EGLN2: variants seen among roughly 807,000 people sequenced by gnomAD.
EGLN2 encodes the protein egl-9 family hypoxia inducible factor 2, also known as prolyl hydroxylase EGLN2.
A neutral mutation model predicts 38.2 loss-of-function variants in EGLN2; 15 were observed. The observed-to-expected ratio is 0.39, with a 90% CI of 0.26 to 0.60. The LOEUF (loss-of-function observed/expected upper bound fraction) is 0.60. Among genes scored for constraint, EGLN2 ranks in the 20% least tolerant of loss-of-function variants. The pLI, the probability that EGLN2 is intolerant of heterozygous loss-of-function variation, is 0.50. For missense variants in EGLN2, 492 were observed against 570.4 expected, an observed-to-expected ratio of 0.86 and a Z score of 1.40; for synonymous variants, 284 against 237.4, an observed-to-expected ratio of 1.20 and a Z score of -1.81.
chr19:40,808,258 C>A lies in EGLN2; in HGVS notation c.*394C>A. On this transcript the variant is annotated 3_prime_UTR_variant, in exon 6 of 6. Transcript: ENST00000303961. ...TGGCAATGGGGTGGGAGGAGTACCC[C>A]CAAGTCCTCTCACTCCTCCAGCCTG... 2 of 423,754 alleles carry A rather than the reference C, an allele frequency of 4.7e-6. No homozygotes were observed. The allele number at this position is 423,754 out of a possible 1,614,324, so 26.2% of individuals were successfully genotyped here.
At position 40,800,719 on chromosome 19, in the gene EGLN2, C is replaced by G; in HGVS notation, c.147C>G (p.His49Gln). The change falls in exon 2 of 6, where the codon CAC becomes CAG. Residue 49 changes from histidine (H) to glutamine (Q), a missense_variant. This residue lies in a region of EGLN2 where 378 missense variants were observed against 386.2 expected (regional missense o/e 0.98). Coordinates refer to ENST00000303961, the MANE Select transcript of EGLN2 (RefSeq NM_080732.4). ...CCTGTCCCCTGCTCCCCTCCTACCA[C>G]TGTCCAGGAGTGCCTAGTGAGGCCT... Reference protein sequence around the residue: ...YLPCPLLPSYHCPGVPSEASA... With the variant: ...YLPCPLLPSYQCPGVPSEASA... The G allele has an allele frequency of 6.2e-7, 1 of 1,614,084 alleles. No individual in the cohort carries two copies. Among genetic ancestry groups the G allele is most frequent in the Non-Finnish European group, 8.5e-7 (1 of 1,180,008 alleles).
chr19:40,806,755 T>A (rs2083304593), intron 3 of EGLN2, 81 bp downstream of exon 3: 12 of 1,556,430 alleles, frequency 7.7e-6, no homozygotes, highest in Non-Finnish European at 1.1e-5. Flanking sequence ...CATTTTCCAC[T>A]CTCAGCCCAG....
chr19:40,807,306 G>C lies in EGLN2; in HGVS notation c.1100+32G>C, dbSNP rs1385061886. The C allele has an allele frequency of 6.8e-6, 11 of 1,613,490 alleles. No homozygotes were observed. In the Admixed American group the frequency reaches 1.3e-4, roughly 20 times the overall value. On this transcript the variant is annotated intron_variant, in intron 4 of 5. Transcript: ENST00000303961. ...CCTGTACTTCTGGAGACGCACCCAGGTGCTCCCCCTGTGACAATGTCCTGT... is the reference window on the plus strand; with the variant it reads ...CCTGTACTTCTGGAGACGCACCCAGCTGCTCCCCCTGTGACAATGTCCTGT...
At chr19:40,799,354 CCGGGGCCT>C (rs2083232805) in intron 1 of EGLN2, 92 bp downstream of exon 1, 2 of 146,986 alleles carry the variant, frequency 1.4e-5, no homozygotes, top group African/African-American at 5.0e-5. Flanking sequence ...GGGGCGCGCG[CCGGGGCCT>C]GCCGGGGCGA....
At chr19:40,802,042 G>A (rs1325623644) in intron 2 of EGLN2, among the ~76,000 whole-genome samples, 1 of 152,136 alleles carries the variant, frequency 6.6e-6, no homozygotes, top group East Asian at 1.9e-4. Flanking sequence ...TAGGCACACA[G>A]TTCACCTGGC....
chr19:40,802,837 G>C (rs1599760174), intron 2 of EGLN2, among the ~76,000 whole-genome samples: 1 of 152,236 alleles, frequency 6.6e-6, no homozygotes. Flanking sequence ...GGGCAGTGTT[G>C]TGCCCTGCAG....
chr19:40,800,839 G>A lies in EGLN2; in HGVS notation c.267G>A (p.Arg89=). 6.2e-7 allele frequency: 1 copy of A among 1,612,868 alleles called. No individual in the cohort carries two copies. The highest frequency in any genetic ancestry group is 1.1e-5 in the South Asian group (1 of 91,022). Residue 89 remains arginine (R), a synonymous_variant, in exon 2 of 6, where the codon CGG becomes CGA. Transcript: ENST00000303961. ...GFGGQDGGEL[R]PLQSEGAAAL... ...GCGGGCAGGATGGTGGTGAGCTGCG[G>A]CCGCTGCAGAGTGAAGGCGCTGCAG...
Position 40,807,789 on chromosome 19 carries a change from C to T in EGLN2, c.1169-20C>T, listed in dbSNP as rs772947190. 26 of 1,613,702 alleles carry T rather than the reference C, an allele frequency of 1.6e-5. No individual in the cohort carries two copies. Among genetic ancestry groups the T allele is most frequent in the Non-Finnish European group, 2.2e-5 (26 of 1,179,816 alleles). Reference sequence around the variant, plus strand: ...TGTCCTTCTGATGACTCACTGTCTCCTGTCCCCTCTCACCCCCAGCATCAG... The same window carrying T: ...TGTCCTTCTGATGACTCACTGTCTCTTGTCCCCTCTCACCCCCAGCATCAG... On this transcript the variant is annotated intron_variant, in intron 5 of 5. Transcript: ENST00000303961.
At chr19:40,802,231 G>A (rs1248327191) in intron 2 of EGLN2, among the ~76,000 whole-genome samples, 1 of 152,162 alleles carries the variant, frequency 6.6e-6, no homozygotes, top group Admixed American at 6.5e-5. Flanking sequence ...GGTGCTGCCC[G>A]CTGGGCCGAG....
chr19:40,803,730 G>A (rs1306972640), intron 2 of EGLN2, among the ~76,000 whole-genome samples: 1 of 152,164 alleles, frequency 6.6e-6, no homozygotes, highest in Non-Finnish European at 1.5e-5. Flanking sequence ...GGCAGCAAGG[G>A]CTACCAGAGG....
In EGLN2 at chr19:40,807,293, G is replaced by T. The variant is rs376946079; in HGVS notation, c.1100+19G>T. ...CCACCAGGTATGACCTGTACTTCTG[G>T]AGACGCACCCAGGTGCTCCCCCTGT... On this transcript the variant is annotated intron_variant, in intron 4 of 5. Coordinates refer to ENST00000303961, the MANE Select transcript of EGLN2 (RefSeq NM_080732.4). 5.0e-6 allele frequency: 8 copies of T among 1,613,976 alleles called. No individual in the cohort carries two copies. The highest frequency in any genetic ancestry group is 6.8e-6 in the Non-Finnish European group (8 of 1,179,912).
Position 40,801,361 on chromosome 19 carries a change from C to T in EGLN2, c.789C>T (p.Val263=), listed in dbSNP as rs1364315531. ...IGALMAHVDA[V]IRHCAGRLGS... is the part of the protein sequence containing the mutation. The stretch of plus-strand genomic sequence containing the variant: ...CCCTCATGGCCCATGTGGACGCCGT[C>T]ATCCGCCACTGCGCAGGGCGGCTGG... The change falls in exon 2 of 6, where the codon GTC becomes GTT. Residue 263 remains valine, a synonymous_variant. Coordinates refer to ENST00000303961, the MANE Select transcript of EGLN2 (RefSeq NM_080732.4). 5 of 1,611,224 alleles carry T rather than the reference C, an allele frequency of 3.1e-6. No individual in the cohort carries two copies. The highest frequency in any genetic ancestry group is 3.3e-5 in the Admixed American group (2 of 60,038).
At chr19:40,802,197 G>C (rs1170413917) in intron 2 of EGLN2, among the ~76,000 whole-genome samples, 3 of 152,198 alleles carry the variant, frequency 2.0e-5, no homozygotes, top group African/African-American at 7.2e-5. Context: ...TGATGAGTGA[G>C]CCCTGGGCTG....
At position 40,800,712 on chromosome 19, in the gene EGLN2, C is replaced by T. The variant is rs2083249438; in HGVS notation, c.140C>T (p.Ser47Phe). The T allele has an allele frequency of 6.2e-7, 1 of 1,614,084 alleles. No homozygotes were observed. The highest frequency in any genetic ancestry group is 1.3e-5 in the African/African-American group (1 of 75,064). The change falls in exon 2 of 6, where the codon TCC (serine) becomes TTC (phenylalanine). Residue 47 changes from serine to phenylalanine, a missense_variant. Physicochemically the swap from Ser to Phe is radical, Grantham distance 155. Coordinates refer to ENST00000303961, the MANE Select transcript of EGLN2 (RefSeq NM_080732.4). ...TACCTGCCCTGTCCCCTGCTCCCCT[C>T]CTACCACTGTCCAGGAGTGCCTAGT... ...ESYLPCPLLP[S>F]YHCPGVPSEA...
intron 5 of EGLN2, 35 bp downstream of exon 5, chr19:40,807,586 T>C (rs541202116): frequency 1.2e-5 from 20 of 1,610,444 alleles, no homozygotes; most frequent in South Asian, 2.2e-5. Context: ...CTTCCTATTC[T>C]GTGGGCCCTC....
rs2083319382 is a variant in EGLN2 at position 40,808,099 on chromosome 19, A to G, written c.*235A>G. 2 of 588,524 alleles carry G rather than the reference A, an allele frequency of 3.4e-6. No individual in the cohort carries two copies. Among genetic ancestry groups the G allele is most frequent in the African/African-American group, 1.9e-5 (1 of 53,626 alleles). 36.5% of individuals were successfully genotyped at this position (588,524 alleles called of 1,614,324 possible). On this transcript the variant is annotated 3_prime_UTR_variant, in exon 6 of 6. Transcript: ENST00000303961. ...GGGGGCAGCCGTGGAGGCCACCGTTACCAACTGAAGCTGGGGGCCTGGGTC... is the reference window on the plus strand; with the variant it reads ...GGGGGCAGCCGTGGAGGCCACCGTTGCCAACTGAAGCTGGGGGCCTGGGTC...
intron 3 of EGLN2, 199 bp from the exon 4 acceptor site, chr19:40,806,939 C>T (rs2083307369): frequency 1.0e-5 from 10 of 987,118 alleles, no homozygotes; most frequent in Non-Finnish European, 1.5e-5. Context: ...GAACACTTTC[C>T]CCCTTTTCCT....
At chr19:40,807,580 C>T (rs776292763) in intron 5 of EGLN2, 29 bp downstream of exon 5, 8 of 1,612,384 alleles carry the variant, frequency 5.0e-6, no homozygotes, top group Non-Finnish European at 5.9e-6. Context: ...TCAGTCCTTC[C>T]TATTCTGTGG....
intron 4 of EGLN2, 83 bp from the exon 5 acceptor site, chr19:40,807,401 G>T: frequency 6.2e-7 from 1 of 1,604,714 alleles, no homozygotes; most frequent in East Asian, 2.2e-5. Context: ...GAACCGGGTG[G>T]CTCAAAAGGA....
Sources: gnomAD v4.1 joint callset for allele counts (sites outside exome capture counted in the v4.1 genomes callset) on GRCh38, gnomAD v4.1.1 for gene constraint, gnomAD v4.1.1 regional missense constraint, MANE v1.5 for transcripts, NCBI Gene and HGNC (gene_info 2026-07-23, HGNC 2026-07-21) for gene names.